The following GPATCH2L variants were observed in gnomAD, a reference collection of about 807,000 sequenced individuals.
GPATCH2L encodes G patch domain-containing protein 2-like.
GPATCH2L carries 31 observed loss-of-function variants against 57.4 expected under a neutral mutation model. The ratio of observed to expected loss-of-function variants is 0.54; its 90% confidence interval spans 0.41 to 0.73. GPATCH2L has a LOEUF of 0.73. Among genes scored for constraint, GPATCH2L ranks in the 30% least tolerant of loss-of-function variants. GPATCH2L has a pLI of 0.00. For synonymous variants in GPATCH2L, 199 were observed against 210.7 expected (o/e 0.94, Z 0.48); for missense variants, 481 against 599.9 (o/e 0.80, Z 2.07).
At chr14:76,178,125 C>T in intron 7 of GPATCH2L, 83 bp downstream of exon 7, 2 of 1,263,264 alleles carry the variant, frequency 1.6e-6, no homozygotes, top group Non-Finnish European at 2.3e-6. Context: ...GTAAAAACTG[C>T]AGCTAATTCC....
chr14:76,218,286 T>G (rs1297644484), downstream of GPATCH2L, among the ~76,000 whole-genome samples: 1 of 152,126 alleles, frequency 6.6e-6, no homozygotes, highest in Admixed American at 6.6e-5. Flanking sequence ...TTTAAGATGA[T>G]ACTGAGTTTT....
At chr14:76,220,597 A>G (rs76764461) in intron 1 of GPATCH2L, among the ~76,000 whole-genome samples, 3,373 of 152,294 alleles carry the variant, frequency 0.022, 76 homozygotes, top group South Asian at 0.077. Context: ...TAACCTAATT[A>G]ATGTCCATAG....
chr14:76,154,305 TTC>T lies in GPATCH2L; in HGVS notation c.-10-47_-10-46del, dbSNP rs1220515187. 4 of 1,441,260 alleles carry T rather than the reference TTC, an allele frequency of 2.8e-6. No individual in the cohort carries two copies. In the African/African-American group the frequency reaches 5.7e-5, roughly 21 times the overall value. The allele number at this position is 1,441,260 out of a possible 1,614,324, so 89.3% of individuals were successfully genotyped here. ...ACAGATCCTTTTTCAGGCTTTCTTTTTCTTTTTCTTTTCTTTCTTTCTTTTTT... is the reference window on the plus strand; with the variant it reads ...ACAGATCCTTTTTCAGGCTTTCTTTTTTTTTCTTTTCTTTCTTTCTTTTTT... On this transcript the variant is annotated intron_variant, in intron 1 of 9. Coordinates refer to ENST00000261530, the MANE Select transcript of GPATCH2L (RefSeq NM_017926.4). The surrounding 1 kb of genome is among the most constrained non-coding windows in gnomAD (Gnocchi z 4.4).
chr14:76,171,340 C>T (rs969270302), intron 3 of GPATCH2L, among the ~76,000 whole-genome samples: 16 of 151,410 alleles, frequency 1.1e-4, no homozygotes, highest in African/African-American at 3.2e-4. Flanking sequence ...TTTGGGAGGC[C>T]GAGGCGGGTG....
intron 9 of GPATCH2L, among the ~76,000 whole-genome samples, chr14:76,199,428 A>G (rs952929270): frequency 2.6e-5 from 4 of 152,154 alleles, no homozygotes; most frequent in African/African-American, 9.7e-5. Flanking sequence ...TTTGAGATTC[A>G]ATTATGCTTT....
At chr14:76,179,307 A>G (rs1209242124) in intron 7 of GPATCH2L, 7 of 152,260 alleles carry the variant, frequency 4.6e-5, no homozygotes, top group Non-Finnish European at 1.5e-5. Flanking sequence ...ACGGAAATAT[A>G]GTAAGGACAA....
chr14:76,181,014 G>A (rs1223150786), intron 8 of GPATCH2L, among the ~76,000 whole-genome samples, 165 bp downstream of exon 8: 1 of 152,200 alleles, frequency 6.6e-6, no homozygotes, highest in Non-Finnish European at 1.5e-5. Context: ...GCAGAGCAGT[G>A]AAGTATCTTT....
At chr14:76,231,147 G>A (rs77504943) in intron 2 of GPATCH2L, among the ~76,000 whole-genome samples, 13,712 of 152,234 alleles carry the variant, frequency 0.09, 657 homozygotes, top group East Asian at 0.13. Flanking sequence ...ACAGAAGCCC[G>A]TGAGAATAGA....
chr14:76,216,649 A>C (rs2040491087), downstream of GPATCH2L, among the ~76,000 whole-genome samples: 1 of 152,170 alleles, frequency 6.6e-6, no homozygotes, highest in South Asian at 2.1e-4. Context: ...GACCCCCACA[A>C]TGCCATCAGT....
rs1289168507 is a variant in GPATCH2L, at chr14:76,207,125, T to G, written c.*5274T>G. On this transcript the variant is annotated 3_prime_UTR_variant, in exon 10 of 10. Transcript: ENST00000261530. ...ATTGCAGGAGTTGAAGACCAGCCTA[T>G]GCAACACAGTGAGACCTTGTCTCTA... 6.6e-6 allele frequency: 1 copy of G among 152,212 alleles called. No homozygotes were observed. The highest frequency in any genetic ancestry group is 1.5e-5 in the Non-Finnish European group (1 of 68,060). The allele number at this position is 152,212 out of a possible 1,614,324, so 9.4% of individuals were successfully genotyped here.
Position 76,213,847 on chromosome 14 carries a change from C to CT in GPATCH2L, c.*11999dup, listed in dbSNP as rs778794380. 2.6e-5 allele frequency: 4 copies of CT among 152,148 alleles called. No homozygotes were observed. The highest frequency in any genetic ancestry group is 5.9e-5 in the Non-Finnish European group (4 of 68,020). The allele number at this position is 152,148 out of a possible 1,614,324, so 9.4% of individuals were successfully genotyped here. ...TTGGCACAATCCTATTAACTACATA[C>CT]TTTATTTGAATTGTAGCTGTTTTCC... On this transcript the variant is annotated 3_prime_UTR_variant, in exon 10 of 10. Transcript: ENST00000261530.
downstream of GPATCH2L, among the ~76,000 whole-genome samples, chr14:76,215,062 C>A (rs185782748): frequency 3.4e-4 from 51 of 151,688 alleles, no homozygotes; most frequent in South Asian, 2.3e-3. Context: ...AACAAAAAAA[C>A]CAAAAATTAT....
intron 8 of GPATCH2L, among the ~76,000 whole-genome samples, chr14:76,194,754 A>G (rs2040094744): frequency 1.3e-5 from 2 of 151,854 alleles, no homozygotes; most frequent in South Asian, 2.1e-4. Flanking sequence ...GTTTTTTAAA[A>G]TTGTGGTAAA....
chr14:76,224,002 T>C (rs2040526331), intron 1 of GPATCH2L, among the ~76,000 whole-genome samples: 2 of 152,178 alleles, frequency 1.3e-5, no homozygotes, highest in Non-Finnish European at 2.9e-5. Flanking sequence ...ACCTATCAAC[T>C]GATGAATGGT....
chr14:76,180,787 C>T lies in GPATCH2L; in HGVS notation c.1131C>T (p.Tyr377=). 6.2e-7 allele frequency: 1 copy of T among 1,612,522 alleles called. No individual in the cohort carries two copies. The highest frequency in any genetic ancestry group is 8.5e-7 in the Non-Finnish European group (1 of 1,178,460). The stretch of plus-strand genomic sequence containing the variant: ...AGTTCAATCCCCTGTCTCCCCTTTA[C>T]TCCCTGGATGTTCTTGCCGATGCTT... ...AHEFNPLSPL[Y]SLDVLADASH... Residue 377 remains tyrosine, a synonymous_variant, in exon 8 of 10, where the codon TAC becomes TAT. Transcript: ENST00000261530.
intron 2 of GPATCH2L, among the ~76,000 whole-genome samples, chr14:76,232,054 G>GGT (rs1217701518): frequency 1.2e-3 from 5 of 4,092 alleles, no homozygotes; most frequent in African/African-American, 1.9e-3. Flanking sequence ...TGGGACTATA[G>GGT]GTGTGCGCCA....
At chr14:76,199,313 A>G (rs1035794384) in intron 9 of GPATCH2L, among the ~76,000 whole-genome samples, 1 of 152,136 alleles carries the variant, frequency 6.6e-6, no homozygotes, top group East Asian at 1.9e-4. Flanking sequence ...TAGCAGACAT[A>G]TGTATCTTCA....
chr14:76,178,095 A>G, intron 7 of GPATCH2L, 53 bp downstream of exon 7: 2 of 1,430,240 alleles, frequency 1.4e-6, no homozygotes, highest in Non-Finnish European at 2.0e-6. Context: ...CCGTTTTCTA[A>G]GAGTATCCAA....
At chr14:76,161,474 A>G (rs1255610975) in intron 2 of GPATCH2L, among the ~76,000 whole-genome samples, 1 of 152,218 alleles carries the variant, frequency 6.6e-6, no homozygotes, top group Admixed American at 6.5e-5. Context: ...CCTCCTTATT[A>G]TAATTGGAAC....
Sources: allele counts gnomAD v4.1 joint callset (sites outside exome capture counted in the v4.1 genomes callset), GRCh38; gene constraint gnomAD v4.1.1; non-coding constraint Gnocchi (gnomAD v3.1); transcripts MANE v1.5; gene names NCBI Gene and HGNC (gene_info 2026-07-23, HGNC 2026-07-21).